KIFAP3: variants seen among roughly 807,000 people sequenced by gnomAD.
The protein encoded by KIFAP3 is kinesin associated protein 3.
A neutral mutation model predicts 106.5 loss-of-function variants in KIFAP3; 68 were observed. The observed-to-expected ratio is 0.64, with a 90% confidence interval of 0.53 to 0.78. The LOEUF is 0.78. KIFAP3 is among the 30% of genes least tolerant of loss of function. The pLI, the probability that KIFAP3 is intolerant of heterozygous loss-of-function variation, is 0.00. For synonymous variants in KIFAP3, 320 were observed against 311.5 expected, an observed-to-expected ratio of 1.03 and a Z score of -0.29; for missense variants, 780 against 941.8, an observed-to-expected ratio of 0.83 and a Z score of 2.25.
At position 169,982,837 on chromosome 1, in the gene KIFAP3, A is replaced by C. The variant is rs12075833; in HGVS notation, c.1537T>G (p.Ser513Ala). 682 of 1,601,134 alleles carry C rather than the reference A, an allele frequency of 4.3e-4. 1 individual carries two copies. In the African/African-American group the frequency reaches 8.4e-3, roughly 20 times the overall value. ...ACAAACTCCTCTTCTTCATCATTAG[A>C]GATCTGGGCTGCAAGGTCCCCAACA... ...DYVGDLAAQI[S>A]NDEEEEFVIE... Residue 513 changes from serine to alanine, a missense_variant, in exon 14 of 20, where the codon TCT becomes GCT. Transcript: ENST00000361580.
At chr1:170,006,063 T>A (rs1269295657) in intron 10 of KIFAP3, among the ~76,000 whole-genome samples, 4 of 152,212 alleles carry the variant, frequency 2.6e-5, no homozygotes, top group Non-Finnish European at 5.9e-5. Context: ...TATTCTCTCA[T>A]CTGATTCTCA....
chr1:170,030,597 G>A (rs1013536081), intron 8 of KIFAP3, among the ~76,000 whole-genome samples: 16 of 151,824 alleles, frequency 1.1e-4, no homozygotes, highest in Admixed American at 1.1e-3. Context: ...GTGAATATAA[G>A]GAAATACTAT....
At chr1:170,031,072 T>C (rs1326150874) in intron 8 of KIFAP3, among the ~76,000 whole-genome samples, 2 of 151,806 alleles carry the variant, frequency 1.3e-5, no homozygotes, top group African/African-American at 2.4e-5. Flanking sequence ...TTGAAACTTT[T>C]ACATGAAAAC....
At chr1:169,941,833 C>T (rs185244773) in intron 19 of KIFAP3, among the ~76,000 whole-genome samples, 162 of 152,034 alleles carry the variant, frequency 1.1e-3, no homozygotes, top group Admixed American at 2.8e-3. Context: ...GTAATTAATG[C>T]CTCAATTGAG....
At chr1:169,933,298 T>C (rs1432028224) in intron 19 of KIFAP3, among the ~76,000 whole-genome samples, 1 of 152,092 alleles carries the variant, frequency 6.6e-6, no homozygotes, top group Admixed American at 6.6e-5. Context: ...TTATTTAATG[T>C]CCTCTAGAAC....
At chr1:169,999,010 GC>G (rs1667528861) in intron 10 of KIFAP3, among the ~76,000 whole-genome samples, 1 of 152,116 alleles carries the variant, frequency 6.6e-6, no homozygotes, top group Admixed American at 6.6e-5. Context: ...ACACAGGTCT[GC>G]AAAGAAAGTA....
intron 2 of KIFAP3, among the ~76,000 whole-genome samples, chr1:170,048,746 G>T (rs1300286004): frequency 6.6e-6 from 1 of 151,932 alleles, no homozygotes; most frequent in Non-Finnish European, 1.5e-5. Context: ...GGAGCTGGGG[G>T]ACCTCCCTCA....
At chr1:170,056,344 G>A (rs1167298106) in intron 1 of KIFAP3, among the ~76,000 whole-genome samples, 4 of 152,114 alleles carry the variant, frequency 2.6e-5, no homozygotes, top group East Asian at 1.9e-4. Flanking sequence ...TCAATAGTAG[G>A]TTCTATGGAA....
chr1:169,934,657 A>G (rs1663685851), intron 19 of KIFAP3, among the ~76,000 whole-genome samples: 2 of 152,128 alleles, frequency 1.3e-5, no homozygotes, highest in African/African-American at 4.8e-5. Flanking sequence ...CAACCTGACA[A>G]TCTGGCACTT....
chr1:170,081,292 T>C (rs1672016791), intron 1 of KIFAP3, among the ~76,000 whole-genome samples: 1 of 152,252 alleles, frequency 6.6e-6, no homozygotes, highest in African/African-American at 2.4e-5. Flanking sequence ...ACATAGTGAC[T>C]CAACTTTATT....
intron 1 of KIFAP3, among the ~76,000 whole-genome samples, chr1:170,071,963 C>A (rs1337515098): frequency 1.3e-5 from 2 of 152,138 alleles, no homozygotes; most frequent in African/African-American, 4.8e-5. Flanking sequence ...CTCATAAATA[C>A]AATAAATATC....
chr1:169,983,173 A>C, intron 13 of KIFAP3, 97 bp downstream of exon 13: 1 of 716,630 alleles, frequency 1.4e-6, no homozygotes, highest in Non-Finnish European at 2.3e-6. Flanking sequence ...TTGGATTATA[A>C]ATTAATATTT....
At position 170,074,421 on chromosome 1, in the gene KIFAP3, T is replaced by A. The variant is rs1279995019; in HGVS notation, c.32+15A>T. 1.2e-6 allele frequency: 2 copies of A among 1,613,884 alleles called. No individual in the cohort carries two copies. ...CTGGCAAGGAGGGTAGGACAGAGCC[T>A]TGGGGAGTCGTCACCTTTTGAGGTA... On this transcript the variant is annotated intron_variant, in intron 1 of 19. Transcript: ENST00000361580.
At chr1:170,041,668 A>G in intron 3 of KIFAP3, 1 of 1,533,536 alleles carries the variant, frequency 6.5e-7, no homozygotes, top group Non-Finnish European at 8.7e-7. Context: ...CCAGCAAGGC[A>G]TTACCGACCT....
At chr1:170,079,538 TA>T (rs1671981902), upstream of KIFAP3, among the ~76,000 whole-genome samples, 2 of 152,176 alleles carry the variant, frequency 1.3e-5, no homozygotes, top group Admixed American at 1.3e-4. Context: ...ATTAGCAATC[TA>T]AGAATAGAAA....
At chr1:170,021,907 G>A (rs1482726484) in intron 9 of KIFAP3, among the ~76,000 whole-genome samples, 2 of 146,102 alleles carry the variant, frequency 1.4e-5, no homozygotes, top group African/African-American at 5.1e-5. Flanking sequence ...GCCTCAACAT[G>A]CAATGCCTTC....
chr1:170,038,387 C>T lies in KIFAP3; in HGVS notation c.420G>A (p.Glu140=), dbSNP rs745973130. ...ANINDMDEYI[E]LLYEDIPDKV... ...TGTCAGGAATATCTTCATATAATAA[C>T]TCAATATATTCATCCATGTCATTAA... The change falls in exon 5 of 20, where the codon GAG becomes GAA. Residue 140 remains glutamate, a synonymous_variant. Transcript: ENST00000361580. 1 of 1,606,190 alleles carries T rather than the reference C, an allele frequency of 6.2e-7. No homozygotes were observed. Among genetic ancestry groups the T allele is most frequent in the Admixed American group, 1.7e-5 (1 of 57,866 alleles).
At chr1:170,010,222 T>C (rs1668176217) in intron 10 of KIFAP3, among the ~76,000 whole-genome samples, 1 of 151,992 alleles carries the variant, frequency 6.6e-6, no homozygotes, top group East Asian at 1.9e-4. Context: ...GGAATATTCA[T>C]ATATAAGGTT....
chr1:170,049,248 G>GC (rs1670447333), intron 2 of KIFAP3, among the ~76,000 whole-genome samples: 1 of 152,184 alleles, frequency 6.6e-6, no homozygotes, highest in Non-Finnish European at 1.5e-5. Context: ...GTGGCAAAGT[G>GC]GCTGAGGCCA....
Sources: allele counts gnomAD v4.1 joint callset (sites outside exome capture counted in the v4.1 genomes callset), GRCh38; gene constraint gnomAD v4.1.1; transcripts MANE v1.5; gene names NCBI Gene and HGNC (gene_info 2026-07-23, HGNC 2026-07-21).